Variants in NLRC5 observed in about 807,000 individuals in gnomAD.
NLRC5 encodes NLR family CARD domain containing 5.
In NLRC5, 114 loss-of-function variants were observed where a neutral mutation model predicts 206.9. That is an observed-to-expected ratio of 0.55 (90% CI 0.47 to 0.64). The LOEUF (loss-of-function observed/expected upper bound fraction) is 0.64. NLRC5 is among the 30% of genes least tolerant of loss of function. NLRC5 has a pLI of 0.00. For synonymous variants in NLRC5, 952 were observed against 962.8 expected, an observed-to-expected ratio of 0.99 and a Z score of 0.21; for missense variants, 2,008 against 2,305.5, an observed-to-expected ratio of 0.87 and a Z score of 2.64.
chr16:57,055,940 T>A (rs954414207), intron 27 of NLRC5, among the ~76,000 whole-genome samples: 1 of 152,226 alleles, frequency 6.6e-6, no homozygotes, highest in Non-Finnish European at 1.5e-5. Context: ...CTGCGTGGCC[T>A]GTCTTGGATA....
At chr16:57,077,661 G>T in intron 41 of NLRC5, 58 bp from the exon 42 acceptor site, 3 of 1,500,362 alleles carry the variant, frequency 2.0e-6, no homozygotes, top group Non-Finnish European at 2.7e-6. Context: ...CAGCAGATGT[G>T]CTGGGGTGTC....
At chr16:57,058,618 A>G in intron 28 of NLRC5, 1 of 347,340 alleles carries the variant, frequency 2.9e-6, no homozygotes, top group South Asian at 3.5e-5. Flanking sequence ...TGCTGGAGTG[A>G]CAGCCAGCTC....
intron 1 of NLRC5, among the ~76,000 whole-genome samples, chr16:57,010,818 T>C (rs1237578189): frequency 6.6e-6 from 1 of 152,268 alleles, no homozygotes; most frequent in Non-Finnish European, 1.5e-5. Flanking sequence ...ATTTCTTATT[T>C]ACTCATCATC....
At chr16:57,070,376 G>T (rs1370179983) in intron 37 of NLRC5, among the ~76,000 whole-genome samples, 159 bp from the exon 38 acceptor site, 3 of 152,126 alleles carry the variant, frequency 2.0e-5, no homozygotes, top group Non-Finnish European at 4.4e-5. Context: ...TGGAGCTAGG[G>T]ATACCCATGG....
Position 57,013,370 on chromosome 16 carries a change from A to T in NLRC5, c.-127-3704A>T, listed in dbSNP as rs144869477. On this transcript the variant is annotated intron_variant, in intron 1 of 48. Coordinates refer to ENST00000688547, the MANE Select transcript of NLRC5 (RefSeq NM_001384950.1). Reference sequence around the variant, plus strand: ...AATACTTCCTTCAAAGTCAGTAAACATTCCAAGTTACTAAGCTGTTGAACA... The same window carrying T: ...AATACTTCCTTCAAAGTCAGTAAACTTTCCAAGTTACTAAGCTGTTGAACA... 1.3e-4 allele frequency: 80 copies of T among 631,638 alleles called. No individual in the cohort carries two copies. The East Asian group carries it at 2.0e-3, about 16-fold the overall frequency. The allele number at this position is 631,638 out of a possible 1,614,324, so 39.1% of individuals were successfully genotyped here.
intron 1 of NLRC5, among the ~76,000 whole-genome samples, chr16:57,005,567 G>A (rs1398923511): frequency 6.6e-6 from 1 of 151,754 alleles, no homozygotes; most frequent in Admixed American, 6.6e-5. Flanking sequence ...TATAGCTGAA[G>A]TAATAGATAT....
chr16:57,013,480 A>G, intron 1 of NLRC5: 8 of 729,412 alleles, frequency 1.1e-5, no homozygotes, highest in Non-Finnish European at 1.8e-5. Context: ...AATCTGAGTC[A>G]TTGAGGTGAG....
Position 57,081,129 on chromosome 16 carries a change from G to A in NLRC5, c.5353G>A (p.Ala1785Thr). 1 of 1,546,338 alleles carries A rather than the reference G, an allele frequency of 6.5e-7. No individual in the cohort carries two copies. ...LSWNLLGDEA[A>T]AELAQVLPQM... ...CTGGAATCTCCTCGGGGATGAGGCA[G>A]CTGCCGAGCTGGCCCAGGTGCTGCC... Residue 1785 changes from alanine (A) to threonine (T), a missense_variant, in exon 47 of 49, where the codon GCT becomes ACT. Ala to Thr is a moderately conservative substitution (Grantham distance 58). Transcript: ENST00000688547.
intron 1 of NLRC5, chr16:57,014,087 A>G (rs1312096825): frequency 4.4e-6 from 1 of 225,528 alleles, no homozygotes; most frequent in Non-Finnish European, 8.9e-6. Context: ...ATTAAGGTCC[A>G]CAGGCTTCAA....
At chr16:57,019,611 G>T (rs1279409683) in intron 2 of NLRC5, among the ~76,000 whole-genome samples, 1 of 152,160 alleles carries the variant, frequency 6.6e-6, no homozygotes, top group African/African-American at 2.4e-5. Flanking sequence ...ACCTTCCTCA[G>T]TATGGGTTCC....
chr16:57,060,964 C>T (rs1409682794), intron 30 of NLRC5, among the ~76,000 whole-genome samples: 2 of 152,248 alleles, frequency 1.3e-5, no homozygotes, highest in Non-Finnish European at 2.9e-5. Flanking sequence ...AGGCACACCT[C>T]CCTCCCCAGG....
chr16:57,059,118 G>A, intron 29 of NLRC5, 57 bp downstream of exon 29: 1 of 1,612,276 alleles, frequency 6.2e-7, no homozygotes, highest in Non-Finnish European at 8.5e-7. Context: ...GGTGCCCCTG[G>A]CTGATGATGG....
At position 57,074,276 on chromosome 16, in the gene NLRC5, A is replaced by G. The variant is rs2068096668; in HGVS notation, c.4668-324A>G. The G allele has an allele frequency of 2.7e-5, 6 of 224,750 alleles. No individual in the cohort carries two copies. In the South Asian group the frequency reaches 3.1e-4, roughly 12 times the overall value. The allele number at this position is 224,750 out of a possible 1,614,324, so 13.9% of individuals were successfully genotyped here. On this transcript the variant is annotated intron_variant, in intron 38 of 48. Coordinates refer to ENST00000688547, the MANE Select transcript of NLRC5 (RefSeq NM_001384950.1). ...TCACCTGTAAAATGGGGACGATAATAAACCCACCTTTCCAGATGGCCCCAA... is the reference window on the plus strand; with the variant it reads ...TCACCTGTAAAATGGGGACGATAATGAACCCACCTTTCCAGATGGCCCCAA...
chr16:57,051,101 C>G (rs1243568853), intron 23 of NLRC5, among the ~76,000 whole-genome samples: 7 of 152,144 alleles, frequency 4.6e-5, no homozygotes, highest in African/African-American at 1.7e-4. Flanking sequence ...TCAGATGATC[C>G]ACCCACCTCA....
rs77793710 is a variant in NLRC5 at position 57,029,259 on chromosome 16, C to T, written c.2244-514C>T. On this transcript the variant is annotated intron_variant, in intron 8 of 48. Transcript: ENST00000688547. ...ATTGTTCTTAATCACCCTCACTCCC[C>T]TCAACTCATCTGTCTCCCCAGCTAG... Among the ~76,000 whole-genome samples the T allele has an allele frequency of 7.4e-3, 1,131 of 152,326 alleles. 10 individuals are homozygous for T. Among genetic ancestry groups the T allele is most frequent in the African/African-American group, 0.026 (1,073 of 41,562 alleles).
chr16:57,015,712 G>A (rs2059992706), intron 1 of NLRC5, among the ~76,000 whole-genome samples: 1 of 151,938 alleles, frequency 6.6e-6, no homozygotes, highest in African/African-American at 2.4e-5. Flanking sequence ...CAGATCACCT[G>A]AAGTCGGGAG....
intron 10 of NLRC5, 29 bp downstream of exon 10, chr16:57,030,113 TA>T (rs2061637184): frequency 6.3e-7 from 1 of 1,576,386 alleles, no homozygotes; most frequent in Non-Finnish European, 8.7e-7. Context: ...ATCTTGGCCT[TA>T]TGGGCCTTGA....
chr16:56,997,767 G>A (rs546844473), intron 1 of NLRC5, among the ~76,000 whole-genome samples: 1 of 152,114 alleles, frequency 6.6e-6, no homozygotes, highest in African/African-American at 2.4e-5. Flanking sequence ...TTTTTGTAGA[G>A]ATGGGGTTTC....
chr16:57,026,016 A>G lies in NLRC5; in HGVS notation c.1073A>G (p.Glu358Gly), dbSNP rs1479700596. 1 of 1,614,026 alleles carries G rather than the reference A, an allele frequency of 6.2e-7. No homozygotes were observed. Among genetic ancestry groups the G allele is most frequent in the Admixed American group, 1.7e-5 (1 of 60,032 alleles). Residue 358 changes from glutamate to glycine, a missense_variant, in exon 6 of 49, where the codon GAG becomes GGG. Coordinates refer to ENST00000688547, the MANE Select transcript of NLRC5 (RefSeq NM_001384950.1). ...PGKLPACLPA[E>G]AAMVHMLGFD... ...AAGCTGCCTGCCTGCCTGCCTGCAGAGGCAGCCATGGTCCACATGTTGGGC... is the reference window on the plus strand; with the variant it reads ...AAGCTGCCTGCCTGCCTGCCTGCAGGGGCAGCCATGGTCCACATGTTGGGC...
Sources: gnomAD v4.1 joint callset for allele counts (sites outside exome capture counted in the v4.1 genomes callset) on GRCh38, gnomAD v4.1.1 for gene constraint, MANE v1.5 for transcripts, NCBI Gene and HGNC (gene_info 2026-07-23, HGNC 2026-07-21) for gene names.